UBE2D3: variants seen among roughly 807,000 people sequenced by gnomAD.
UBE2D3 encodes the protein ubiquitin-conjugating enzyme E2 D3.
In UBE2D3, 2 loss-of-function variants were observed where a neutral mutation model predicts 22.8. The ratio of observed to expected loss-of-function variants is 0.09; its 90% CI spans 0.04 to 0.28. UBE2D3 has a LOEUF of 0.28. UBE2D3 is among the 10% of genes least tolerant of loss of function. The probability of loss-of-function intolerance (pLI) is 1.00; values close to 1 mark genes in which losing one functional copy is unlikely to be tolerated. For missense variants in UBE2D3, 27 were observed against 182.5 expected, an observed-to-expected ratio of 0.15 and a Z score of 4.91; for synonymous variants, 56 against 60.4, an observed-to-expected ratio of 0.93 and a Z score of 0.34.
At chr4:102,803,163 C>T (rs1726471137) in intron 4 of UBE2D3, among the ~76,000 whole-genome samples, 1 of 152,072 alleles carries the variant, frequency 6.6e-6, no homozygotes, top group African/African-American at 2.4e-5. Flanking sequence ...CATGCATTGC[C>T]CCTATTTTAT....
chr4:102,866,241 T>C, intron 1 of UBE2D3, among the ~76,000 whole-genome samples: 1 of 152,230 alleles, frequency 6.6e-6, no homozygotes, highest in East Asian at 1.9e-4. Context: ...TTTCTCTGAA[T>C]TTCAAGGCCT....
intron 2 of UBE2D3, among the ~76,000 whole-genome samples, chr4:102,816,716 G>A (rs1168520136): frequency 6.6e-6 from 1 of 152,112 alleles, no homozygotes; most frequent in Non-Finnish European, 1.5e-5. Context: ...ATTGAATTAG[G>A]AGTAACAAGG....
At chr4:102,811,485 C>G (rs893512366) in intron 2 of UBE2D3, 1 of 180,372 alleles carries the variant, frequency 5.5e-6, no homozygotes, top group Admixed American at 6.3e-5. Context: ...AGTTCAAGAC[C>G]AGTGCTGCTA....
chr4:102,804,910 G>A (rs1726792354), intron 4 of UBE2D3, among the ~76,000 whole-genome samples: 3 of 152,036 alleles, frequency 2.0e-5, no homozygotes. Context: ...GTCTCAAACT[G>A]CTGAGTTCCA....
chr4:102,842,811 G>T (rs962259383), intron 1 of UBE2D3, among the ~76,000 whole-genome samples: 1 of 152,178 alleles, frequency 6.6e-6, no homozygotes, highest in East Asian at 1.9e-4. Context: ...AACTGTAACT[G>T]TAAGACTACC....
chr4:102,799,393 T>C lies in UBE2D3; in HGVS notation c.398+14A>G, dbSNP rs1725771054. 1.9e-6 allele frequency: 3 copies of C among 1,606,464 alleles called. No homozygotes were observed. Among genetic ancestry groups the C allele is most frequent in the South Asian group, 1.1e-5 (1 of 90,668 alleles). The stretch of plus-strand genomic sequence containing the variant: ...AGTAAAACCACTTTTATAATAACTT[T>C]TTAACATACTTACTTATCTCTGTCT... On this transcript the variant is annotated intron_variant, in intron 7 of 7. Transcript: ENST00000453744.
At chr4:102,828,255 G>GATTA, upstream of UBE2D3, 5 of 985,412 alleles carry the variant, frequency 5.1e-6, no homozygotes, top group Admixed American at 3.1e-4. Context: ...AGGTGCCAAG[G>GATTA]ATTAATTACC....
chr4:102,856,468 T>G (rs1381966932), intron 1 of UBE2D3, among the ~76,000 whole-genome samples: 1 of 152,222 alleles, frequency 6.6e-6, no homozygotes, highest in Admixed American at 6.5e-5. Flanking sequence ...TTTAATATTT[T>G]TGTGCAGTTA....
In UBE2D3 at chr4:102,809,860, A is replaced by C. The variant is rs1398447236; in HGVS notation, c.25-5T>G. On this transcript the variant is annotated splice_region_variant and splice_polypyrimidine_tract_variant and intron_variant, in intron 2 of 7. Transcript: ENST00000453744. ...ACGGGCCAAATCACTAAGTTCCTACACCAAGACAGAAAATGGGTGAGTCAC... is the reference window on the plus strand; with the variant it reads ...ACGGGCCAAATCACTAAGTTCCTACCCCAAGACAGAAAATGGGTGAGTCAC... The C allele has an allele frequency of 2.5e-6, 4 of 1,613,094 alleles. No individual in the cohort carries two copies. Among genetic ancestry groups the C allele is most frequent in the Non-Finnish European group, 3.4e-6 (4 of 1,179,938 alleles).
At chr4:102,858,212 GCAC>G (rs1465132417) in intron 1 of UBE2D3, among the ~76,000 whole-genome samples, 1 of 151,952 alleles carries the variant, frequency 6.6e-6, no homozygotes, top group Non-Finnish European at 1.5e-5. Context: ...CATATAGTAA[GCAC>G]TTGAAAATAG....
At chr4:102,809,648 A>C (rs1727642919) in intron 4 of UBE2D3, 24 bp downstream of exon 4, 1 of 1,579,898 alleles carries the variant, frequency 6.3e-7, no homozygotes, top group South Asian at 1.2e-5. Context: ...CTTAAAACTA[A>C]ATTTAAAAAT....
At chr4:102,823,101 CTTGAGGA>C (rs1450604357) in intron 2 of UBE2D3, among the ~76,000 whole-genome samples, 1 of 152,126 alleles carries the variant, frequency 6.6e-6, no homozygotes, top group Non-Finnish European at 1.5e-5. Context: ...ACATGGTTGT[CTTGAGGA>C]TTAAATGAGT....
At chr4:102,827,023 G>A (rs1366007364) in intron 1 of UBE2D3, 26 of 993,646 alleles carry the variant, frequency 2.6e-5, no homozygotes, top group Non-Finnish European at 2.9e-5. Flanking sequence ...ACGGACGCCG[G>A]GCTGCTTTCG....
intron 1 of UBE2D3, among the ~76,000 whole-genome samples, chr4:102,856,940 G>A (rs550984012): frequency 6.6e-6 from 1 of 152,284 alleles, no homozygotes; most frequent in South Asian, 2.1e-4. Flanking sequence ...CACTTATAGG[G>A]TAATAAAATG....
chr4:102,804,615 T>C (rs1195564764), intron 4 of UBE2D3, among the ~76,000 whole-genome samples: 3 of 152,206 alleles, frequency 2.0e-5, no homozygotes, highest in African/African-American at 7.2e-5. Flanking sequence ...TCCAATACTA[T>C]ACAAGATATG....
chr4:102,838,232 G>A (rs992164528), intron 1 of UBE2D3, among the ~76,000 whole-genome samples: 3 of 152,210 alleles, frequency 2.0e-5, no homozygotes, highest in Non-Finnish European at 4.4e-5. Context: ...TAAACCCACA[G>A]TATCTCTGAG....
At chr4:102,826,667 G>C in intron 1 of UBE2D3, 31 bp from the exon 2 acceptor site, 3 of 1,526,630 alleles carry the variant, frequency 2.0e-6, no homozygotes, top group Non-Finnish European at 2.6e-6. Context: ...ATCAGCACTC[G>C]CACAGGCCCC....
intron 2 of UBE2D3, chr4:102,825,362 C>CA (rs1361763820): frequency 1.8e-5 from 18 of 1,008,830 alleles, no homozygotes; most frequent in Middle Eastern, 5.0e-4. Flanking sequence ...ATACAAGTCA[C>CA]AAAAAAGGGA....
intron 2 of UBE2D3, among the ~76,000 whole-genome samples, chr4:102,814,457 C>CTTTTTTTTTTTTTT (rs574701413): frequency 4.2e-5 from 5 of 119,140 alleles, no homozygotes; most frequent in Admixed American, 9.0e-5. Flanking sequence ...CCTGGCTATT[C>CTTTTTTTTTTTTTT]TTTTTTTTTT....
Sources: allele counts gnomAD v4.1 joint callset (sites outside exome capture counted in the v4.1 genomes callset), GRCh38; gene constraint gnomAD v4.1.1; transcripts MANE v1.5; gene names NCBI Gene and HGNC (gene_info 2026-07-23, HGNC 2026-07-21).